ZIC4: variants seen among roughly 807,000 people sequenced by gnomAD.
ZIC4 encodes the protein zinc finger protein ZIC 4.
In ZIC4, 15 loss-of-function variants were observed where a neutral mutation model predicts 28.8. The ratio of observed to expected loss-of-function variants is 0.52; its 90% CI spans 0.35 to 0.80. ZIC4 has a LOEUF of 0.80. Among genes scored for constraint, ZIC4 ranks in the 30% least tolerant of loss-of-function variants. ZIC4 has a pLI of 0.01. For missense variants in ZIC4, 512 were observed against 467.1 expected, an observed-to-expected ratio of 1.10 and a Z score of -0.89; for synonymous variants, 220 against 198.1, an observed-to-expected ratio of 1.11 and a Z score of -0.93.
intron 3 of ZIC4, among the ~76,000 whole-genome samples, chr3:147,394,488 C>G (rs9811502): frequency 0.06 from 8,375 of 138,998 alleles, 320 homozygotes; most frequent in South Asian, 0.099. Flanking sequence ...AAAAAAAAAA[C>G]CCTGTCATTA....
At chr3:147,397,049 G>C (rs534845813) in intron 2 of ZIC4, 2 of 152,244 alleles carry the variant, frequency 1.3e-5, no homozygotes, top group South Asian at 4.1e-4. Context: ...GGAGGGGAAA[G>C]GAAAACCACA....
intron 1 of ZIC4, chr3:147,405,320 GT>G: frequency 1.4e-6 from 2 of 1,466,748 alleles, no homozygotes; most frequent in Non-Finnish European, 1.8e-6. Flanking sequence ...GCAGCATGCA[GT>G]GGTGTGGGTC....
chr3:147,406,154 C>A (rs534335923), intron 1 of ZIC4: 1 of 153,322 alleles, frequency 6.5e-6, no homozygotes, highest in African/African-American at 2.4e-5. Flanking sequence ...TGCGGAAGGG[C>A]CCCCTCCTCC....
At chr3:147,405,565 GC>G in intron 1 of ZIC4, 2 of 1,333,340 alleles carry the variant, frequency 1.5e-6, no homozygotes, top group Admixed American at 3.9e-5. Flanking sequence ...AATTTCCAAT[GC>G]CCCTGGGTCT....
chr3:147,391,070 C>T lies in ZIC4; in HGVS notation c.865G>A (p.Gly289Arg), dbSNP rs767796917. The change falls in exon 4 of 5, where the codon GGG becomes AGG. Residue 289 changes from glycine to arginine, a missense_variant. By Grantham distance (125) the Gly-to-Arg change is moderately radical. Coordinates refer to ENST00000383075, the MANE Select transcript of ZIC4 (RefSeq NM_032153.6). Reference protein sequence around the residue: ...SSLRKHMKVHGRSPPPSSGYD... With the variant: ...SSLRKHMKVHRRSPPPSSGYD... The stretch of plus-strand genomic sequence containing the variant: ...CCAGAGCTGGGCGGCGGCGAGCGCC[C>T]GTGCACCTTCATGTGCTTACGCAGC... The T allele has an allele frequency of 6.2e-7, 1 of 1,613,970 alleles. No individual in the cohort carries two copies. The highest frequency in any genetic ancestry group is 1.1e-5 in the South Asian group (1 of 91,084).
In ZIC4 at chr3:147,388,598, T is replaced by G. The variant is rs1319809504; in HGVS notation, c.*261A>C. 4.7e-6 allele frequency: 2 copies of G among 424,642 alleles called. No individual in the cohort carries two copies. Among genetic ancestry groups the G allele is most frequent in the African/African-American group, 4.1e-5 (2 of 49,152 alleles). 26.3% of individuals were successfully genotyped at this position (424,642 alleles called of 1,614,324 possible). On this transcript the variant is annotated 3_prime_UTR_variant, in exon 5 of 5. Coordinates refer to ENST00000383075, the MANE Select transcript of ZIC4 (RefSeq NM_032153.6). ...TGATTTAGTCCGCGTCAAACAAAAA[T>G]ATATACTTGTATACACAAGAAAAAA...
intron 2 of ZIC4, among the ~76,000 whole-genome samples, chr3:147,402,152 TATTAA>T (rs2087177230): frequency 6.6e-6 from 1 of 152,188 alleles, no homozygotes; most frequent in Admixed American, 6.5e-5. Flanking sequence ...CTAAATGGAA[TATTAA>T]ATTAAATTCT....
chr3:147,401,070 G>T (rs2087156919), intron 2 of ZIC4, among the ~76,000 whole-genome samples: 2 of 152,148 alleles, frequency 1.3e-5, no homozygotes, highest in Non-Finnish European at 2.9e-5. Context: ...GGACCTATTT[G>T]GAGCATATTC....
Position 147,388,876 on chromosome 3 carries a change from A to T in ZIC4, c.*-17T>A. 1 of 780,162 alleles carries T rather than the reference A, an allele frequency of 1.3e-6. No homozygotes were observed. The highest frequency in any genetic ancestry group is 1.3e-5 in the South Asian group (1 of 74,316). 48.3% of individuals were successfully genotyped at this position (780,162 alleles called of 1,614,324 possible). ...GGTGGACATCTGTAACAAGCAAATGAAAAATTAAAGGCGATTAGTGGCCGA... is the reference window on the plus strand; with the variant it reads ...GGTGGACATCTGTAACAAGCAAATGTAAAATTAAAGGCGATTAGTGGCCGA... On this transcript the variant is annotated splice_polypyrimidine_tract_variant and intron_variant, in intron 4 of 4. Transcript: ENST00000383075.
rs1235350947 is a variant in ZIC4, at chr3:147,404,287, C to T, written c.-15-1475G>A. ...CTAAGAGGTCTGGATCACTTCTCTC[C>T]CAGGTCCTGTCAGCCTTTTGTGCAC... On this transcript the variant is annotated intron_variant, in intron 1 of 4. Transcript: ENST00000383075. 45 of 1,419,668 alleles carry T rather than the reference C, an allele frequency of 3.2e-5. No homozygotes were observed. In the East Asian group the frequency reaches 4.6e-4, roughly 15 times the overall value. The allele number at this position is 1,419,668 out of a possible 1,614,324, so 87.9% of individuals were successfully genotyped here. A position where few individuals can be genotyped will look rare whatever the true frequency, so the allele number is the denominator to read the frequency against.
chr3:147,390,910 C>T (rs757063224), intron 4 of ZIC4, 21 bp downstream of exon 4: 2 of 1,590,176 alleles, frequency 1.3e-6, no homozygotes, highest in Admixed American at 3.4e-5. Flanking sequence ...CGCTATGGGG[C>T]CCAAGCCCTG....
rs1356491297 is a variant in ZIC4, at chr3:147,390,996, G to C, written c.939C>G (p.Cys313Trp). The C allele has an allele frequency of 1.2e-6, 2 of 1,613,180 alleles. No homozygotes were observed. The highest frequency in any genetic ancestry group is 1.1e-5 in the South Asian group (1 of 91,050). The change falls in exon 4 of 5, where the codon TGC (cysteine) becomes TGG (tryptophan). Residue 313 changes from cysteine to tryptophan, a missense_variant. By Grantham distance (215) the Cys-to-Trp change is radical (BLOSUM62 -2). Coordinates refer to ENST00000383075, the MANE Select transcript of ZIC4 (RefSeq NM_032153.6). ...AGGAGGCCACCTGGGACTTGTGGCCGCAGTCCGACGAGGGCGACACGAGGG... is the reference window on the plus strand; with the variant it reads ...AGGAGGCCACCTGGGACTTGTGGCCCCAGTCCGACGAGGGCGACACGAGGG... ...PSALVSPSSD[C>W]GHKSQVASSA...
rs1481176906 is a variant in ZIC4, at chr3:147,388,695, T to G, written c.*164A>C. On this transcript the variant is annotated 3_prime_UTR_variant, in exon 5 of 5. Coordinates refer to ENST00000383075, the MANE Select transcript of ZIC4 (RefSeq NM_032153.6). ...GGCTCCAGGCTTGGCCTTTCAGGATTTCAGTGCGACTTGCACATTGCCATA... is the reference window on the plus strand; with the variant it reads ...GGCTCCAGGCTTGGCCTTTCAGGATGTCAGTGCGACTTGCACATTGCCATA... 2 of 623,814 alleles carry G rather than the reference T, an allele frequency of 3.2e-6. No homozygotes were observed. Among genetic ancestry groups the G allele is most frequent in the East Asian group, 5.4e-5 (2 of 36,976 alleles). The allele number at this position is 623,814 out of a possible 1,614,324, so 38.6% of individuals were successfully genotyped here. A position where few individuals can be genotyped will look rare whatever the true frequency, so the allele number is the denominator to read the frequency against.
intron 2 of ZIC4, chr3:147,397,117 G>C (rs1256396778): frequency 6.6e-6 from 1 of 151,914 alleles, no homozygotes; most frequent in East Asian, 1.9e-4. Context: ...TTCTTCCCAA[G>C]GTTTGGATTT....
At position 147,396,466 on chromosome 3, in the gene ZIC4, C is replaced by T. The variant is rs201563618; in HGVS notation, c.74G>A (p.Ser25Asn). ...LYRNTLKESS[S>N]SSGHHGPQLT... ...CTGGGGGCCATGGTGTCCAGAGCTG[C>T]TACCTGTTGTCGAAACAAATAGCGC... The change falls in exon 3 of 5, where the codon AGC becomes AAC. Residue 25 changes from serine (S) to asparagine (N), a missense_variant. Physicochemically the swap from Ser to Asn is conservative, Grantham distance 46. This residue lies in a region of ZIC4 where 310 missense variants were observed against 256.5 expected (regional missense o/e 1.21). Coordinates refer to ENST00000383075, the MANE Select transcript of ZIC4 (RefSeq NM_032153.6). This position sits in a 1 kb window ranked among gnomAD's most constrained non-coding sequence, Gnocchi z 4.2. 476 of 1,510,410 alleles carry T rather than the reference C, an allele frequency of 3.2e-4. 1 individual carries two copies. Among genetic ancestry groups the T allele is most frequent in the Non-Finnish European group, 3.4e-4 (387 of 1,132,798 alleles). 93.6% of individuals were successfully genotyped at this position (1,510,410 alleles called of 1,614,324 possible). A position where few individuals can be genotyped will look rare whatever the true frequency, so the allele number is the denominator to read the frequency against.
chr3:147,405,528 A>C, intron 1 of ZIC4: 7 of 1,506,086 alleles, frequency 4.6e-6, no homozygotes, highest in Non-Finnish European at 5.4e-6. Context: ...TTCACAGCTC[A>C]GCTCTATTCC....
At chr3:147,405,732 C>G in intron 1 of ZIC4, 1 of 541,898 alleles carries the variant, frequency 1.8e-6, no homozygotes, top group South Asian at 2.0e-5. Flanking sequence ...GAGGCAGGAC[C>G]AGGGTGAGGG....
intron 3 of ZIC4, chr3:147,393,006 CT>C (rs1312394374): frequency 6.7e-6 from 1 of 148,662 alleles, no homozygotes; most frequent in Non-Finnish European, 1.5e-5. Flanking sequence ...AACTTTCTTC[CT>C]TCTTCTCTTT....
chr3:147,403,843 T>G, intron 1 of ZIC4: 1 of 520,960 alleles, frequency 1.9e-6, no homozygotes, highest in Non-Finnish European at 2.8e-6. Flanking sequence ...TGCACAAAGA[T>G]CTCTCTCTCT....
Sources: gnomAD v4.1 joint callset for allele counts (sites outside exome capture counted in the v4.1 genomes callset) on GRCh38, gnomAD v4.1.1 for gene constraint, gnomAD v4.1.1 regional missense constraint, Gnocchi (gnomAD v3.1) non-coding constraint, MANE v1.5 for transcripts, NCBI Gene and HGNC (gene_info 2026-07-23, HGNC 2026-07-21) for gene names.